Variants in RSF1 observed in about 807,000 individuals in gnomAD.
RSF1 encodes the protein remodeling and spacing factor 1.
Under a neutral mutation model 145.2 loss-of-function variants are expected in RSF1, and 13 were observed. The ratio of observed to expected loss-of-function variants is 0.09; its 90% CI spans 0.06 to 0.14. The LOEUF is 0.14. Among genes scored for constraint, RSF1 ranks in the 10% least tolerant of loss-of-function variants. RSF1 has a pLI of 1.00. For missense variants in RSF1, 1,517 were observed against 1,718.2 expected, an observed-to-expected ratio of 0.88 and a Z score of 2.07; for synonymous variants, 577 against 592.6, an observed-to-expected ratio of 0.97 and a Z score of 0.38.
the RSF1 span, among the ~76,000 whole-genome samples, chr11:77,852,255 A>G: frequency 4.2e-4 from 62 of 146,068 alleles, 3 homozygotes; most frequent in South Asian, 0.013. Context: ...GAAGAAGAAG[A>G]AGTTCAAAGA....
chr11:77,722,669 AAAT>A (rs1960968126), intron 5 of RSF1, among the ~76,000 whole-genome samples: 2 of 152,214 alleles, frequency 1.3e-5, no homozygotes, highest in South Asian at 2.1e-4. Context: ...TGTAAAATTA[AAAT>A]AATAATAGTA....
At chr11:77,710,897 T>C (rs753725227) in intron 5 of RSF1, among the ~76,000 whole-genome samples, 18 of 152,306 alleles carry the variant, frequency 1.2e-4, no homozygotes, top group Non-Finnish European at 2.2e-4. Context: ...ATGGCTTTGA[T>C]AACTTCCTTA....
At position 77,683,064 on chromosome 11, in the gene RSF1, G is replaced by A. The variant is rs558187349; in HGVS notation, c.3065+646C>T. On this transcript the variant is annotated intron_variant, in intron 11 of 15. Transcript: ENST00000308488. The stretch of plus-strand genomic sequence containing the variant: ...TCCCAGCACTTCGGGAGGCTGAAGC[G>A]GGTGGATTACCAGGTCAAGAGGTTG... Among the ~76,000 whole-genome samples, 154 of 152,196 alleles carry A rather than the reference G, an allele frequency of 1.0e-3. 1 individual carries two copies. The highest frequency in any genetic ancestry group is 3.5e-3 in the African/African-American group (147 of 41,522).
intron 11 of RSF1, among the ~76,000 whole-genome samples, chr11:77,682,516 C>G (rs1250350990): frequency 6.6e-6 from 1 of 152,134 alleles, no homozygotes. Context: ...GATAAGATTT[C>G]TAGGAATAGC....
chr11:77,701,372 C>T lies in RSF1; in HGVS notation c.1857G>A (p.Lys619=). The T allele has an allele frequency of 6.2e-7, 1 of 1,613,986 alleles. No homozygotes were observed. The highest frequency in any genetic ancestry group is 8.5e-7 in the Non-Finnish European group (1 of 1,180,018). Residue 619 remains lysine (K), a synonymous_variant, in exon 6 of 16, where the codon AAG becomes AAA. Transcript: ENST00000308488. The part of the protein sequence containing the change: ...EVPKSTLESE[K]PGSPEAAETS... ...TTTCAGCTGCCTCAGGAGAGCCAGGCTTTTCTGACTCTAGAGTACTCTTTG... is the reference window on the plus strand; with the variant it reads ...TTTCAGCTGCCTCAGGAGAGCCAGGTTTTTCTGACTCTAGAGTACTCTTTG...
intron 4 of RSF1, among the ~76,000 whole-genome samples, chr11:77,732,656 T>C (rs1198181776): frequency 1.3e-5 from 2 of 152,166 alleles, no homozygotes; most frequent in Non-Finnish European, 2.9e-5. Flanking sequence ...CTGATGGTTT[T>C]AAAAACAGGA....
chr11:77,758,369 G>A (rs1176424522), intron 2 of RSF1, among the ~76,000 whole-genome samples: 1 of 152,078 alleles, frequency 6.6e-6, no homozygotes, highest in Admixed American at 6.6e-5. Flanking sequence ...GATGAACACA[G>A]GTTGTTTCTA....
Position 77,667,462 on chromosome 11 carries a change from C to T in RSF1, c.3781G>A (p.Asp1261Asn), listed in dbSNP as rs959594803. Reference protein sequence around the residue: ...ESYLSKNSEDDELAKESKRSV... With the variant: ...ESYLSKNSEDNELAKESKRSV... The stretch of plus-strand genomic sequence containing the variant: ...CGCTTTGATTCTTTAGCTAGCTCAT[C>T]ATCTTCAGAGTTCTTGGACAAATAG... Residue 1261 changes from aspartate to asparagine, a missense_variant, in exon 16 of 16, where the codon GAT becomes AAT. Coordinates refer to ENST00000308488, the MANE Select transcript of RSF1 (RefSeq NM_016578.4). 1.9e-6 allele frequency: 3 copies of T among 1,611,854 alleles called. No individual in the cohort carries two copies. The South Asian group carries it at 3.3e-5, about 18-fold the overall frequency.
intron 3 of RSF1, among the ~76,000 whole-genome samples, chr11:77,742,671 C>T (rs10751276): frequency 0.97 from 147,106 of 152,312 alleles, 71,303 homozygotes; most frequent in African/African-American, 0.99. Context: ...TGAAGTGATA[C>T]TCCACTGTGG....
chr11:77,683,899 C>A (rs1473703779), intron 10 of RSF1, 80 bp from the exon 11 acceptor site: 3 of 1,024,016 alleles, frequency 2.9e-6, no homozygotes, highest in Non-Finnish European at 4.3e-6. Flanking sequence ...TTTGTAATCT[C>A]CATTTAGGTA....
At chr11:77,775,831 C>T (rs777651822) in intron 1 of RSF1, among the ~76,000 whole-genome samples, 3 of 152,164 alleles carry the variant, frequency 2.0e-5, no homozygotes, top group Non-Finnish European at 4.4e-5. Context: ...TGCAGTGGCA[C>T]GATCGGGGCT....
the RSF1 span, among the ~76,000 whole-genome samples, chr11:77,870,484 C>T: frequency 3.3e-5 from 5 of 151,354 alleles, no homozygotes; most frequent in African/African-American, 1.2e-4. Flanking sequence ...CTACAGGCGC[C>T]CACCACCACG....
intron 7 of RSF1, among the ~76,000 whole-genome samples, chr11:77,698,232 T>C (rs1195757197): frequency 1.3e-5 from 2 of 152,176 alleles, no homozygotes; most frequent in African/African-American, 4.8e-5. Context: ...TTCCTCAATC[T>C]GTGAGAAGAG....
the RSF1 span, among the ~76,000 whole-genome samples, chr11:77,860,589 C>A: frequency 2.0e-5 from 3 of 152,228 alleles, no homozygotes; most frequent in African/African-American, 7.2e-5. Context: ...CATCCATGTA[C>A]TGAAGGACAA....
chr11:77,674,628 C>T (rs1421979472), intron 14 of RSF1, among the ~76,000 whole-genome samples: 1 of 152,194 alleles, frequency 6.6e-6, no homozygotes, highest in African/African-American at 2.4e-5. Flanking sequence ...CTCAGATGTG[C>T]TTTCTATGAG....
chr11:77,733,147 A>G (rs530779848), intron 4 of RSF1, among the ~76,000 whole-genome samples: 6 of 152,322 alleles, frequency 3.9e-5, no homozygotes, highest in African/African-American at 1.4e-4. Context: ...AGAAACTGCA[A>G]AACTTTCCCA....
At chr11:77,859,463 T>C in the RSF1 span, among the ~76,000 whole-genome samples, 1 of 152,232 alleles carries the variant, frequency 6.6e-6, no homozygotes, top group Non-Finnish European at 1.5e-5. Flanking sequence ...TTTCTCTCCA[T>C]ATTGCTGCAT....
chr11:77,782,338 G>A (rs1948412307), intron 1 of RSF1, among the ~76,000 whole-genome samples: 1 of 152,108 alleles, frequency 6.6e-6, no homozygotes, highest in Non-Finnish European at 1.5e-5. Flanking sequence ...GTCAGGAGCT[G>A]GAGACCAGCC....
chr11:77,866,307 T>G, the RSF1 span: 1 of 152,104 alleles, frequency 6.6e-6, no homozygotes, highest in African/African-American at 2.4e-5. Flanking sequence ...CCACCTTAGA[T>G]CGTGTGACAG....
Sources: gnomAD v4.1 joint callset for allele counts (sites outside exome capture counted in the v4.1 genomes callset) on GRCh38, gnomAD v4.1.1 for gene constraint, MANE v1.5 for transcripts, NCBI Gene and HGNC (gene_info 2026-07-23, HGNC 2026-07-21) for gene names.